Variants in CHD9 observed in about 807,000 individuals in gnomAD.
The protein encoded by CHD9 is chromodomain helicase DNA binding protein 9, also known as ATP-dependent chromatin remodeler CHD9.
Under a neutral mutation model 316.1 loss-of-function variants are expected in CHD9, and 77 were observed. The ratio of observed to expected loss-of-function variants is 0.24; its 90% CI spans 0.20 to 0.29. CHD9 has a LOEUF of 0.29. Ranked by LOEUF, CHD9 falls within the 10% of genes least tolerant of loss-of-function variation. CHD9 has a pLI of 1.00. For synonymous variants in CHD9, 1,129 were observed against 1,158.3 expected (o/e 0.97, Z 0.51); for missense variants, 2,763 against 3,438.1 (o/e 0.80, Z 4.91).
chr16:53,063,116 T>G (rs2033101167), intron 1 of CHD9, among the ~76,000 whole-genome samples: 2 of 152,180 alleles, frequency 1.3e-5, no homozygotes, highest in South Asian at 4.1e-4. Flanking sequence ...TGCTGGATGC[T>G]CTTCTAAGCA....
chr16:53,238,512 G>A lies in CHD9; in HGVS notation c.2803G>A (p.Val935Ile), dbSNP rs756462668. 11 of 1,612,862 alleles carry A rather than the reference G, an allele frequency of 6.8e-6. No homozygotes were observed. The highest frequency in any genetic ancestry group is 4.0e-5 in the African/African-American group (3 of 74,798). The change falls in exon 12 of 39, where the codon GTT becomes ATT. Residue 935 changes from valine to isoleucine, a missense_variant. This residue lies in a region of CHD9 where 186 missense variants were observed against 245.0 expected (regional missense o/e 0.76). Transcript: ENST00000447540. ...ATTTCGTACGTGGACTGATATTAAC[G>A]TTGTGGTTTATCATGGGAGCCTGAT... ...REFRTWTDIN[V>I]VVYHGSLISR... is the part of the protein sequence containing the mutation.
chr16:53,272,680 C>G (rs1413006290), intron 22 of CHD9, among the ~76,000 whole-genome samples: 1 of 152,060 alleles, frequency 6.6e-6, no homozygotes, highest in Non-Finnish European at 1.5e-5. Context: ...AAATAAGGTG[C>G]AGGCTTACAT....
chr16:53,254,501 C>T lies in CHD9; in HGVS notation c.3925C>T (p.Arg1309Cys). 1.9e-6 allele frequency: 3 copies of T among 1,613,070 alleles called. No homozygotes were observed. Among genetic ancestry groups the T allele is most frequent in the Non-Finnish European group, 1.7e-6 (2 of 1,179,408 alleles). The part of the protein sequence containing the change: ...KAVKVYRLVT[R>C]NSYEREMFDR... ...AGTTAAAGTCTACAGACTGGTAACTCGTAACTCATATGAGAGAGAGATGTT... is the reference window on the plus strand; with the variant it reads ...AGTTAAAGTCTACAGACTGGTAACTTGTAACTCATATGAGAGAGAGATGTT... Residue 1309 changes from arginine to cysteine, a missense_variant, in exon 18 of 39, where the codon CGT (arginine) becomes TGT (cysteine). Around this residue, in one of 15 missense-constraint regions of CHD9, gnomAD observed 199 missense variants for 251.7 expected, o/e 0.79. Coordinates refer to ENST00000447540, the MANE Select transcript of CHD9 (RefSeq NM_001308319.2).
At chr16:53,073,131 C>T (rs969272348) in intron 1 of CHD9, among the ~76,000 whole-genome samples, 2 of 152,206 alleles carry the variant, frequency 1.3e-5, no homozygotes, top group African/African-American at 4.8e-5. Context: ...TAAACACTAA[C>T]TTTCTATTTT....
intron 19 of CHD9, among the ~76,000 whole-genome samples, chr16:53,256,381 CTTTTTTTTTT>C (rs1163977563): frequency 2.0e-5 from 2 of 99,260 alleles, no homozygotes; most frequent in African/African-American, 4.1e-5. Flanking sequence ...TTTTTCTTTT[CTTTTTTTTTT>C]TTTTTTTTTT....
intron 1 of CHD9, among the ~76,000 whole-genome samples, chr16:53,063,740 C>T (rs1042547190): frequency 1.3e-5 from 2 of 151,806 alleles, no homozygotes; most frequent in African/African-American, 4.8e-5. Context: ...ACCATGTTAG[C>T]CAGGCTGGTC....
At chr16:53,113,364 CTT>C (rs35792251) in intron 1 of CHD9, among the ~76,000 whole-genome samples, 2 of 116,024 alleles carry the variant, frequency 1.7e-5, no homozygotes, top group African/African-American at 3.1e-5. Context: ...AATCTTGGCA[CTT>C]TTTTTTTTTT....
At chr16:53,226,607 C>T in intron 5 of CHD9, 95 bp downstream of exon 5, 1 of 1,349,668 alleles carries the variant, frequency 7.4e-7, no homozygotes, top group Non-Finnish European at 1.0e-6. Context: ...ATTGCTCTAA[C>T]TTATCCTTCC....
chr16:53,243,390 T>C (rs2049274044), intron 13 of CHD9, among the ~76,000 whole-genome samples: 1 of 152,248 alleles, frequency 6.6e-6, no homozygotes, highest in Non-Finnish European at 1.5e-5. Context: ...CTCCACTCAC[T>C]GCAACCTCCA....
chr16:53,321,888 A>G (rs1039165951), intron 38 of CHD9, among the ~76,000 whole-genome samples: 1 of 152,164 alleles, frequency 6.6e-6, no homozygotes, highest in African/African-American at 2.4e-5. Context: ...AATCAAATAT[A>G]TGAGCAAATA....
chr16:53,208,528 G>A, intron 2 of CHD9: 1 of 1,049,238 alleles, frequency 9.5e-7, no homozygotes, highest in Non-Finnish European at 1.2e-6. Context: ...GCCTTAAGGT[G>A]GCATTTTAGT....
chr16:53,141,153 A>G (rs1402499852), intron 1 of CHD9, among the ~76,000 whole-genome samples: 1 of 152,238 alleles, frequency 6.6e-6, no homozygotes, highest in East Asian at 1.9e-4. Flanking sequence ...GTGTTTACAC[A>G]GTGCTTTATG....
chr16:53,188,204 T>C (rs2044188771), intron 2 of CHD9, among the ~76,000 whole-genome samples: 1 of 152,246 alleles, frequency 6.6e-6, no homozygotes, highest in Non-Finnish European at 1.5e-5. Flanking sequence ...TTCCATTGTA[T>C]GGATATGTAC....
At chr16:53,146,243 A>AT (rs1567373707) in intron 1 of CHD9, among the ~76,000 whole-genome samples, 1 of 147,010 alleles carries the variant, frequency 6.8e-6, no homozygotes, top group Non-Finnish European at 1.5e-5. Flanking sequence ...AAAAAAAAAA[A>AT]TTAGTCGGGC....
intron 34 of CHD9, chr16:53,312,108 T>TTTGTAAATGTACACAGTA (rs1186462492): frequency 6.6e-6 from 1 of 152,188 alleles, no homozygotes; most frequent in Non-Finnish European, 1.5e-5. Context: ...ATAGAATATG[T>TTTGTAAATGTACACAGTA]TTGTAAATGT....
At chr16:53,202,436 A>C (rs1367779485) in intron 2 of CHD9, among the ~76,000 whole-genome samples, 2 of 149,916 alleles carry the variant, frequency 1.3e-5, no homozygotes, top group Non-Finnish European at 3.0e-5. Context: ...ATTAGTCTTA[A>C]GTCTCATCTA....
rs1419871317 is a variant in CHD9, at chr16:53,290,457, A to C, written c.5248-1268A>C. On this transcript the variant is annotated intron_variant, in intron 27 of 38. Transcript: ENST00000447540. Reference sequence around the variant, plus strand: ...CTGACAGAGGAAAAACTATTTAAAGAGCTGTTTAACTATTTTCTTAGAGCA... The same window carrying C: ...CTGACAGAGGAAAAACTATTTAAAGCGCTGTTTAACTATTTTCTTAGAGCA... Among the ~76,000 whole-genome samples the C allele has an allele frequency of 3.3e-5, 5 of 149,672 alleles. No individual in the cohort carries two copies. The South Asian group carries it at 6.4e-4, about 19-fold the overall frequency.
At chr16:53,288,426 T>C (rs914899546) in intron 27 of CHD9, among the ~76,000 whole-genome samples, 2 of 152,226 alleles carry the variant, frequency 1.3e-5, no homozygotes, top group Admixed American at 6.5e-5. Context: ...TGCCAAAGCA[T>C]AGTTCTCAGT....
In CHD9 at chr16:53,109,691, T is replaced by TTC. The variant is rs1555485093; in HGVS notation, c.-164-46234_-164-46233insCT. 1.8e-4 allele frequency among the ~76,000 whole-genome samples: 23 copies of TTC among 125,526 alleles called. 1 individual carries two copies. Among genetic ancestry groups the TTC allele is most frequent in the African/African-American group, 6.8e-4 (22 of 32,554 alleles). 82.3% of individuals were successfully genotyped at this position (125,526 alleles called of 152,430 possible). A position where few individuals can be genotyped will look rare whatever the true frequency, so the allele number is the denominator to read the frequency against. On this transcript the variant is annotated intron_variant, in intron 1 of 38. Transcript: ENST00000447540. ...ATTCCCAGTTTCTTTTTTTTTTTTTTTTTTTTTTTTTGAGATGGAGTCTCG... is the reference window on the plus strand; with the variant it reads ...ATTCCCAGTTTCTTTTTTTTTTTTTTTCTTTTTTTTTTTGAGATGGAGTCTCG...
Sources: gnomAD v4.1 joint callset for allele counts (sites outside exome capture counted in the v4.1 genomes callset) on GRCh38, gnomAD v4.1.1 for gene constraint, gnomAD v4.1.1 regional missense constraint, MANE v1.5 for transcripts, NCBI Gene and HGNC (gene_info 2026-07-23, HGNC 2026-07-21) for gene names.